TMEM94: variants seen among roughly 807,000 people sequenced by gnomAD.
TMEM94 encodes the protein ER Mg2+ ATPase.
TMEM94 carries 81 observed loss-of-function variants against 158.6 expected under a neutral mutation model. That is an observed-to-expected ratio of 0.51 (90% confidence interval 0.43 to 0.61). The LOEUF (loss-of-function observed/expected upper bound fraction) is 0.61, where lower values mean the gene tolerates loss of function less well. TMEM94 is among the 20% of genes least tolerant of loss of function. The pLI is 0.00. For synonymous variants in TMEM94, 751 were observed against 730.7 expected, an observed-to-expected ratio of 1.03 and a Z score of -0.45; for missense variants, 1,435 against 1,762.0, an observed-to-expected ratio of 0.81 and a Z score of 3.32.
intron 1 of TMEM94, among the ~76,000 whole-genome samples, chr17:75,465,679 A>ATATATATATATATT (rs1247855961): frequency 1.6e-5 from 2 of 124,848 alleles, no homozygotes; most frequent in Non-Finnish European, 3.2e-5. Context: ...ATATATATAT[A>ATATATATATATATT]TTTTTTTTTA....
In TMEM94 at chr17:75,486,619, G is replaced by A. The variant is rs151169586; in HGVS notation, c.409+193G>A. ...AGTGAGAGCTGTGGGATGGTGGTGG[G>A]TGCCCAGGCAGAGGGCTGGGCAGGC... On this transcript the variant is annotated intron_variant, in intron 5 of 31. Coordinates refer to ENST00000314256, the MANE Select transcript of TMEM94 (RefSeq NM_014738.6). 1.3e-3 allele frequency among the ~76,000 whole-genome samples: 199 copies of A among 152,328 alleles called. 1 individual carries two copies. Among genetic ancestry groups the A allele is most frequent in the African/African-American group, 4.5e-3 (189 of 41,580 alleles).
intron 2 of TMEM94, among the ~76,000 whole-genome samples, chr17:75,474,354 A>T (rs1037555971): frequency 6.6e-6 from 1 of 151,936 alleles, no homozygotes; most frequent in Non-Finnish European, 1.5e-5. Context: ...AAAAATATAA[A>T]AATTAGCTGG....
At chr17:75,461,838 CG>C (rs1555620203) in intron 1 of TMEM94, among the ~76,000 whole-genome samples, 1 of 150,174 alleles carries the variant, frequency 6.7e-6, no homozygotes, top group Non-Finnish European at 1.5e-5. Context: ...GGCGCGAACC[CG>C]GGAGGCGGAG....
chr17:75,497,788 C>T lies in TMEM94; in HGVS notation c.3415C>T (p.Leu1139=). 1 of 1,613,544 alleles carries T rather than the reference C, an allele frequency of 6.2e-7. No homozygotes were observed. Among genetic ancestry groups the T allele is most frequent in the South Asian group, 1.1e-5 (1 of 91,076 alleles). ...CTGATCTCTGCTTTTCAGCATCTCT[C>T]TGCTGGGGAAGCCCCCCCATAGCTC... ...CFCYPLLSIS[L]LGKPPHSSIM... The change falls in exon 27 of 32, where the codon CTG becomes TTG. Residue 1139 remains leucine, a synonymous_variant. Transcript: ENST00000314256.
Position 75,498,627 on chromosome 17 carries a change from A to C in TMEM94, c.3734-2A>C. The C allele has an allele frequency of 6.2e-7, 1 of 1,611,630 alleles. No individual in the cohort carries two copies. The highest frequency in any genetic ancestry group is 8.5e-7 in the Non-Finnish European group (1 of 1,178,784). ...ACCCCCACATCGCCCCACCTTCCCCAGTCTTCATTTCCATCACCCATGTGC... is the reference window on the plus strand; with the variant it reads ...ACCCCCACATCGCCCCACCTTCCCCCGTCTTCATTTCCATCACCCATGTGC... On this transcript the variant is annotated splice_acceptor_variant, in intron 29 of 31. Transcript: ENST00000314256. LOFTEE classifies it high-confidence loss of function. This position sits in a 1 kb window ranked among gnomAD's most constrained non-coding sequence, Gnocchi z 6.7.
intron 2 of TMEM94, among the ~76,000 whole-genome samples, chr17:75,478,239 G>A (rs1260135462): frequency 7.2e-6 from 1 of 139,640 alleles, no homozygotes; most frequent in Non-Finnish European, 1.5e-5. Context: ...GGATGGTCTC[G>A]ATCTCCTGAC....
chr17:75,463,002 A>G (rs1195135448), intron 1 of TMEM94, among the ~76,000 whole-genome samples: 1 of 67,430 alleles, frequency 1.5e-5, no homozygotes, highest in Non-Finnish European at 2.3e-5. Flanking sequence ...CCAAAAATAA[A>G]AAAAGTAAAA....
chr17:75,490,270 C>G lies in TMEM94; in HGVS notation c.991C>G (p.Pro331Ala). 6.2e-7 allele frequency: 1 copy of G among 1,614,156 alleles called. No individual in the cohort carries two copies. The highest frequency in any genetic ancestry group is 8.5e-7 in the Non-Finnish European group (1 of 1,180,028). Residue 331 changes from proline (P) to alanine (A), a missense_variant, in exon 10 of 32, where the codon CCA (proline) becomes GCA (alanine). This residue lies in a region of TMEM94 where 1,051 missense variants were observed against 1,254.4 expected (regional missense o/e 0.84). Coordinates refer to ENST00000314256, the MANE Select transcript of TMEM94 (RefSeq NM_014738.6). ...GVLPILPLLF[P>A]VLWVLATACG... The stretch of plus-strand genomic sequence containing the variant: ...CCTGCCCATCCTCCCCCTGCTCTTT[C>G]CAGTCCTCTGGGTTCTGGCAACTGC...
intron 2 of TMEM94, among the ~76,000 whole-genome samples, chr17:75,476,097 C>T (rs554310608): frequency 4.6e-5 from 7 of 152,264 alleles, no homozygotes; most frequent in Middle Eastern, 3.4e-3. Context: ...GGGGAGTTGC[C>T]GTGTGATTTG....
rs1458207402 is a variant in TMEM94, at chr17:75,495,181, G to T, written c.2729-103G>T. Reference sequence around the variant, plus strand: ...TCTGATGTCCCTGCGGGAAACAGTAGTCAGCAGGAAGGAGTGGACACAGGC... The same window carrying T: ...TCTGATGTCCCTGCGGGAAACAGTATTCAGCAGGAAGGAGTGGACACAGGC... On this transcript the variant is annotated intron_variant, in intron 20 of 31. Transcript: ENST00000314256. This position sits in a 1 kb window ranked among gnomAD's most constrained non-coding sequence, Gnocchi z 5.6. The T allele has an allele frequency of 5.0e-6, 7 of 1,405,104 alleles. No individual in the cohort carries two copies. The East Asian group carries it at 1.4e-4, about 28-fold the overall frequency. The allele number at this position is 1,405,104 out of a possible 1,614,324, so 87.0% of individuals were successfully genotyped here. A position where few individuals can be genotyped will look rare whatever the true frequency, so the allele number is the denominator to read the frequency against.
In TMEM94 at chr17:75,485,369, G is replaced by A. The variant is rs77857301; in HGVS notation, c.25-59G>A. ...CCAGGGAAGGGGAGGGTTGGGGCCC[G>A]CGTGCCTTGCATAGCCTTGGCCTGG... On this transcript the variant is annotated intron_variant, in intron 2 of 31. Coordinates refer to ENST00000314256, the MANE Select transcript of TMEM94 (RefSeq NM_014738.6). This position sits in a 1 kb window ranked among gnomAD's most constrained non-coding sequence, Gnocchi z 5.5. The A allele has an allele frequency of 8.9e-4, 1,409 of 1,579,362 alleles. 14 individuals carry two copies. The East Asian group carries it at 0.012, about 13-fold the overall frequency.
chr17:75,490,775 G>A lies in TMEM94; in HGVS notation c.1128+17G>A. ...TCCTCTCAGGTACAACACTGACCCG[G>A]GATGGCTTCTCTCGCAGGTCCCTAG... On this transcript the variant is annotated intron_variant, in intron 11 of 31. Transcript: ENST00000314256. 6.2e-7 allele frequency: 1 copy of A among 1,611,200 alleles called. No homozygotes were observed. Among genetic ancestry groups the A allele is most frequent in the Non-Finnish European group, 8.5e-7 (1 of 1,177,460 alleles).
rs1350792314 is a variant in TMEM94, at chr17:75,494,954, C to G, written c.2648C>G (p.Pro883Arg). The stretch of plus-strand genomic sequence containing the variant: ...TGGAACTGCCACATCTCCCTCACAC[C>G]CAATGGTGACATGCCTGGCTCCGAG... ...TGWNCHISLTPNGDMPGSEIP... is the reference protein window; with the variant it reads ...TGWNCHISLTRNGDMPGSEIP... The change falls in exon 20 of 32, where the codon CCC (proline) becomes CGC (arginine). Residue 883 changes from proline (P) to arginine (R), a missense_variant. Pro to Arg is a moderately radical substitution (Grantham distance 103). Around this residue, in one of 3 missense-constraint regions of TMEM94, gnomAD observed 1,051 missense variants for 1,254.4 expected, o/e 0.84. Coordinates refer to ENST00000314256, the MANE Select transcript of TMEM94 (RefSeq NM_014738.6). 6.2e-7 allele frequency: 1 copy of G among 1,613,512 alleles called. No homozygotes were observed. The highest frequency in any genetic ancestry group is 1.1e-5 in the South Asian group (1 of 91,086).
chr17:75,491,648 A>G lies in TMEM94; in HGVS notation c.1387-43A>G, dbSNP rs1258150003. ...TAGAAGCATCCTGCCTCCCCAGGCC[A>G]TGGGAGCCACTGGTCCTAGCCTGTG... On this transcript the variant is annotated intron_variant, in intron 13 of 31. Coordinates refer to ENST00000314256, the MANE Select transcript of TMEM94 (RefSeq NM_014738.6). The surrounding 1 kb of genome is among the most constrained non-coding windows in gnomAD (Gnocchi z 5.1). 5 of 1,595,936 alleles carry G rather than the reference A, an allele frequency of 3.1e-6. No individual in the cohort carries two copies. Among genetic ancestry groups the G allele is most frequent in the Non-Finnish European group, 4.3e-6 (5 of 1,165,198 alleles).
At position 75,495,915 on chromosome 17, in the gene TMEM94, C is replaced by T; in HGVS notation, c.2945-51C>T. The T allele has an allele frequency of 7.4e-7, 1 of 1,355,836 alleles. No homozygotes were observed. Among genetic ancestry groups the T allele is most frequent in the African/African-American group, 1.4e-5 (1 of 69,784 alleles). The allele number at this position is 1,355,836 out of a possible 1,614,324, so 84.0% of individuals were successfully genotyped here. ...GTCCCATGGGTCTCTGCCCAGTGCC[C>T]ACTTGGTGCTCTGCCTGCCTGACTC... On this transcript the variant is annotated intron_variant, in intron 22 of 31. Transcript: ENST00000314256. The surrounding 1 kb of genome is among the most constrained non-coding windows in gnomAD (Gnocchi z 5.6).
rs201760105 is a variant in TMEM94, at chr17:75,491,911, G to T, written c.1596+11G>T. ...GAAGAGCCCAGCAAGGTGACGGGAG[G>T]GGGTGGCACGGGGCAGCCACACCCT... On this transcript the variant is annotated intron_variant, in intron 14 of 31. Coordinates refer to ENST00000314256, the MANE Select transcript of TMEM94 (RefSeq NM_014738.6). This position sits in a 1 kb window ranked among gnomAD's most constrained non-coding sequence, Gnocchi z 5.1. The T allele has an allele frequency of 2.7e-5, 43 of 1,600,712 alleles. No homozygotes were observed. The South Asian group carries it at 4.2e-4, about 16-fold the overall frequency.
At chr17:75,476,936 G>T (rs1598343254) in intron 2 of TMEM94, among the ~76,000 whole-genome samples, 1 of 152,332 alleles carries the variant, frequency 6.6e-6, no homozygotes, top group East Asian at 1.9e-4. Flanking sequence ...CAGTGTGCCT[G>T]GGTAGCTGCC....
At chr17:75,463,319 A>C (rs2050180749) in intron 1 of TMEM94, among the ~76,000 whole-genome samples, 1 of 150,664 alleles carries the variant, frequency 6.6e-6, no homozygotes. Context: ...GCTTGTAGCC[A>C]TTATACCTTT....
chr17:75,469,827 CT>C (rs1388895579), intron 1 of TMEM94, among the ~76,000 whole-genome samples: 1 of 151,774 alleles, frequency 6.6e-6, no homozygotes, highest in Non-Finnish European at 1.5e-5. Context: ...CCAATAAATC[CT>C]TTGGGAGGCC....
Sources: gnomAD v4.1 joint callset for allele counts (sites outside exome capture counted in the v4.1 genomes callset) on GRCh38, gnomAD v4.1.1 for gene constraint, gnomAD v4.1.1 regional missense constraint, Gnocchi (gnomAD v3.1) non-coding constraint, MANE v1.5 for transcripts, NCBI Gene and HGNC (gene_info 2026-07-23, HGNC 2026-07-21) for gene names.